ELF1: variants seen among roughly 807,000 people sequenced by gnomAD.
The protein encoded by ELF1 is E74 like ETS transcription factor 1.
Under a neutral mutation model 59.9 loss-of-function variants are expected in ELF1, and 24 were observed. The ratio of observed to expected loss-of-function variants is 0.40; its 90% CI spans 0.29 to 0.56. ELF1 has a LOEUF of 0.56. Among genes scored for constraint, ELF1 ranks in the 20% least tolerant of loss-of-function variants. ELF1 has a pLI of 0.44. For missense variants in ELF1, 627 were observed against 742.2 expected, an observed-to-expected ratio of 0.84 and a Z score of 1.80; for synonymous variants, 248 against 266.2, an observed-to-expected ratio of 0.93 and a Z score of 0.67.
chr13:41,038,487 A>G (rs113144424), intron 1 of ELF1, among the ~76,000 whole-genome samples: 7 of 152,220 alleles, frequency 4.6e-5, no homozygotes, highest in Non-Finnish European at 8.8e-5. Flanking sequence ...ACTGCTCTCC[A>G]GTCTGGGTGA....
chr13:40,998,936 T>C (rs528138679), intron 1 of ELF1, among the ~76,000 whole-genome samples: 1 of 152,300 alleles, frequency 6.6e-6, no homozygotes, highest in East Asian at 1.9e-4. Flanking sequence ...TAGTCACAGG[T>C]ACTCAGAAAG....
chr13:41,042,783 C>T (rs1335709755), intron 1 of ELF1, among the ~76,000 whole-genome samples: 1 of 152,124 alleles, frequency 6.6e-6, no homozygotes, highest in Non-Finnish European at 1.5e-5. Context: ...GTGCATGTGT[C>T]TTTAGAGCAG....
intron 1 of ELF1, among the ~76,000 whole-genome samples, chr13:40,984,371 C>T (rs1324858737): frequency 2.0e-5 from 3 of 152,158 alleles, no homozygotes; most frequent in Non-Finnish European, 2.9e-5. Context: ...TCAAGACCAA[C>T]CGGGGCAACA....
chr13:40,970,186 A>G (rs374123913), intron 2 of ELF1, among the ~76,000 whole-genome samples: 58 of 152,358 alleles, frequency 3.8e-4, no homozygotes, highest in African/African-American at 1.3e-3. Flanking sequence ...AAGATTAATG[A>G]GGAAATTAAC....
At chr13:40,979,257 G>A (rs933009271) in intron 2 of ELF1, among the ~76,000 whole-genome samples, 3 of 151,438 alleles carry the variant, frequency 2.0e-5, no homozygotes, top group South Asian at 4.2e-4. Flanking sequence ...ATAGTGCTCC[G>A]TAAATATTAG....
intron 1 of ELF1, among the ~76,000 whole-genome samples, chr13:41,025,857 C>T (rs1034659141): frequency 6.6e-6 from 1 of 152,138 alleles, no homozygotes; most frequent in Non-Finnish European, 1.5e-5. Context: ...CATTCTTTAC[C>T]CTCAACAGAT....
chr13:40,978,748 A>G (rs1437333868), intron 2 of ELF1, among the ~76,000 whole-genome samples: 5 of 152,128 alleles, frequency 3.3e-5, no homozygotes, highest in African/African-American at 1.2e-4. Context: ...TCAAGGAAAT[A>G]CAAATTAAAA....
intron 3 of ELF1, among the ~76,000 whole-genome samples, chr13:40,957,540 G>A (rs901618403): frequency 4.6e-5 from 7 of 151,348 alleles, no homozygotes; most frequent in African/African-American, 1.7e-4. Flanking sequence ...AAGAAAGTGT[G>A]TAGCACCCCC....
chr13:41,024,812 C>T (rs1454651347), intron 1 of ELF1, among the ~76,000 whole-genome samples: 1 of 152,154 alleles, frequency 6.6e-6, no homozygotes, highest in Non-Finnish European at 1.5e-5. Flanking sequence ...AATTTTTATA[C>T]TGAGTTTAAA....
intron 2 of ELF1, among the ~76,000 whole-genome samples, chr13:40,975,636 C>T (rs1872859664): frequency 6.6e-6 from 1 of 152,178 alleles, no homozygotes; most frequent in South Asian, 2.1e-4. Context: ...AGTGACATGG[C>T]TACATTGTCC....
At chr13:41,021,225 C>A (rs888749669), upstream of ELF1, among the ~76,000 whole-genome samples, 1 of 152,150 alleles carries the variant, frequency 6.6e-6, no homozygotes, top group Admixed American at 6.5e-5. Flanking sequence ...ATATAATGCA[C>A]CTCATTACTT....
At chr13:40,982,927 C>T in intron 1 of ELF1, 5 of 964,300 alleles carry the variant, frequency 5.2e-6, no homozygotes, top group Non-Finnish European at 6.2e-6. Flanking sequence ...CTAGTATAGG[C>T]TTGCAAGCAA....
chr13:41,060,576 G>A (rs2138448740), intron 1 of ELF1, among the ~76,000 whole-genome samples: 1 of 152,246 alleles, frequency 6.6e-6, no homozygotes, highest in South Asian at 2.1e-4. Context: ...TGGCACTCGA[G>A]GCTCCAAAAG....
intron 3 of ELF1, 96 bp downstream of exon 3, chr13:40,958,740 C>G: frequency 6.9e-7 from 1 of 1,442,542 alleles, no homozygotes; most frequent in Non-Finnish European, 9.1e-7. Flanking sequence ...AGTTTAAAAC[C>G]AAGTTAGGGG....
intron 1 of ELF1, among the ~76,000 whole-genome samples, chr13:41,047,295 G>A (rs933453744): frequency 7.9e-5 from 12 of 152,180 alleles, no homozygotes; most frequent in South Asian, 2.1e-4. Flanking sequence ...GTCATTCTCC[G>A]TCCAGCTTTG....
chr13:40,991,067 T>C (rs1873828481), intron 1 of ELF1, among the ~76,000 whole-genome samples: 1 of 152,106 alleles, frequency 6.6e-6, no homozygotes, highest in Admixed American at 6.5e-5. Context: ...CAAAAACCCA[T>C]GTCTAGTCAT....
chr13:41,039,211 G>A (rs1220203430), intron 1 of ELF1, among the ~76,000 whole-genome samples: 32 of 151,518 alleles, frequency 2.1e-4, no homozygotes, highest in Admixed American at 2.0e-3. Context: ...ACCAGCCTGG[G>A]TAACACGGCA....
At chr13:41,048,259 G>A (rs937697615) in intron 1 of ELF1, among the ~76,000 whole-genome samples, 7 of 152,156 alleles carry the variant, frequency 4.6e-5, no homozygotes, top group South Asian at 2.1e-4. Flanking sequence ...TTCGGCTCAC[G>A]CTCGGTGGCC....
intron 1 of ELF1, among the ~76,000 whole-genome samples, chr13:40,996,203 C>G (rs1874119082): frequency 6.6e-6 from 1 of 152,166 alleles, no homozygotes; most frequent in Non-Finnish European, 1.5e-5. Context: ...AATAGGAATT[C>G]TCATTCACTG....
Sources: gnomAD v4.1 joint callset for allele counts (sites outside exome capture counted in the v4.1 genomes callset) on GRCh38, gnomAD v4.1.1 for gene constraint, MANE v1.5 for transcripts, NCBI Gene and HGNC (gene_info 2026-07-23, HGNC 2026-07-21) for gene names.